The following PROCR variants were observed in gnomAD, a reference collection of about 807,000 sequenced individuals.
PROCR encodes protein C receptor.
In PROCR, 22 loss-of-function variants were observed where a neutral mutation model predicts 24.2. That is an observed-to-expected ratio of 0.91 (90% CI 0.65 to 1.30). The LOEUF (loss-of-function observed/expected upper bound fraction) is 1.30, where lower values mean the gene tolerates loss of function less well. PROCR is among the 50% of genes most tolerant of loss of function. The pLI is 0.00. For synonymous variants in PROCR, 137 were observed against 139.2 expected, an observed-to-expected ratio of 0.98 and a Z score of 0.11; for missense variants, 288 against 307.7, an observed-to-expected ratio of 0.94 and a Z score of 0.48.
intron 1 of PROCR, among the ~76,000 whole-genome samples, chr20:35,211,361 C>T (rs78140449): frequency 1.3e-5 from 2 of 152,072 alleles, no homozygotes; most frequent in Non-Finnish European, 2.9e-5. Flanking sequence ...AAATGGCTTG[C>T]GGGAGCCTCC....
intron 1 of PROCR, among the ~76,000 whole-genome samples, chr20:35,209,229 G>A (rs1191962396): frequency 6.6e-6 from 1 of 152,146 alleles, no homozygotes; most frequent in African/African-American, 2.4e-5. Context: ...TTATTGGTTG[G>A]CTATGGGGGA....
intron 1 of PROCR, among the ~76,000 whole-genome samples, chr20:35,174,002 T>C (rs1015341454): frequency 6.6e-6 from 1 of 152,214 alleles, no homozygotes; most frequent in African/African-American, 2.4e-5. Context: ...GTGCAAACCT[T>C]GGCTCTGCTA....
chr20:35,215,290 G>T (rs2060377869), intron 1 of PROCR, among the ~76,000 whole-genome samples: 1 of 152,170 alleles, frequency 6.6e-6, no homozygotes, highest in Admixed American at 6.5e-5. Flanking sequence ...GTGTGGTAAT[G>T]TTCTGTGTAT....
chr20:35,206,400 G>A (rs751880546), intron 1 of PROCR, among the ~76,000 whole-genome samples: 7 of 149,796 alleles, frequency 4.7e-5, no homozygotes, highest in Admixed American at 6.7e-5. Flanking sequence ...ACTTGAACCC[G>A]GGAGGCAGAG....
At chr20:35,174,496 T>G in intron 1 of PROCR, 1 of 652,924 alleles carries the variant, frequency 1.5e-6, no homozygotes, top group Non-Finnish European at 2.7e-6. Flanking sequence ...AGTTTCCTCA[T>G]CTGTAAAACG....
chr20:35,185,030 C>CAAAAAAAAAAAAA (rs55715132), intron 1 of PROCR, among the ~76,000 whole-genome samples: 4 of 104,090 alleles, frequency 3.8e-5, no homozygotes, highest in Middle Eastern at 5.2e-3. Flanking sequence ...ATCAGTAAGA[C>CAAAAAAAAAAAAA]AAAAAAAAAA....
At chr20:35,193,351 C>T (rs1600745432) in intron 1 of PROCR, among the ~76,000 whole-genome samples, 1 of 151,970 alleles carries the variant, frequency 6.6e-6, no homozygotes, top group African/African-American at 2.4e-5. Flanking sequence ...AATTTTTGTA[C>T]TTTTAGTAGA....
Position 35,186,307 on chromosome 20 carries a change from G to A in PROCR, c.94+9861G>A, listed in dbSNP as rs867876523. Among the ~76,000 whole-genome samples the A allele has an allele frequency of 4.6e-5, 7 of 152,092 alleles. No individual in the cohort carries two copies. The East Asian group carries it at 9.6e-4, about 21-fold the overall frequency. On this transcript the variant is annotated intron_variant, in intron 1 of 1. Transcript: ENST00000634509. ...AAGTAGTCCGGGAGCAGTGGCTCTC[G>A]CCTGCAGTCACAACACTTTGGGAGG...
chr20:35,175,745 C>T (rs868768438), intron 2 of PROCR, among the ~76,000 whole-genome samples: 9 of 151,674 alleles, frequency 5.9e-5, no homozygotes, highest in Middle Eastern at 3.2e-3. Context: ...CCACCACGCC[C>T]GGCTAATTTT....
At chr20:35,214,368 C>T (rs180996725) in intron 1 of PROCR, among the ~76,000 whole-genome samples, 5 of 152,138 alleles carry the variant, frequency 3.3e-5, no homozygotes, top group South Asian at 2.1e-4. Flanking sequence ...TTCATAAATT[C>T]GTAAGTACTT....
At chr20:35,193,020 CA>C (rs1474840147) in intron 1 of PROCR, among the ~76,000 whole-genome samples, 3 of 151,700 alleles carry the variant, frequency 2.0e-5, no homozygotes, top group Admixed American at 6.6e-5. Flanking sequence ...AAGCCAAACA[CA>C]AAAAAGTATA....
Position 35,174,736 on chromosome 20 carries a change from C to T in PROCR, c.105C>T (p.Tyr35=), listed in dbSNP as rs1223264266. 6.2e-7 allele frequency: 1 copy of T among 1,614,018 alleles called. No homozygotes were observed. The highest frequency in any genetic ancestry group is 1.3e-5 in the African/African-American group (1 of 74,904). Residue 35 remains tyrosine (Y), a synonymous_variant, in exon 2 of 4, where the codon TAC becomes TAT. Transcript: ENST00000216968. ...GACTTCATATGCTCCAGATCTCCTA[C>T]TTCCGCGACCCCTATCACGTGTGGT... ...LQRLHMLQIS[Y]FRDPYHVWYQ... is the part of the protein sequence containing the mutation.
intron 1 of PROCR, among the ~76,000 whole-genome samples, chr20:35,182,531 C>T (rs2086086665): frequency 6.6e-6 from 1 of 152,098 alleles, no homozygotes; most frequent in African/African-American, 2.4e-5. Flanking sequence ...ATATAGAAGG[C>T]TTTATGTTAT....
chr20:35,171,269 C>T (rs1017885510), upstream of PROCR, among the ~76,000 whole-genome samples: 2 of 152,170 alleles, frequency 1.3e-5, no homozygotes, highest in Non-Finnish European at 2.9e-5. Flanking sequence ...TAGAAACATA[C>T]ACACACAAAA....
Position 35,174,704 on chromosome 20 carries a change from C to T in PROCR, c.73C>T (p.Leu25Phe). 1 of 1,614,050 alleles carries T rather than the reference C, an allele frequency of 6.2e-7. No homozygotes were observed. Among genetic ancestry groups the T allele is most frequent in the East Asian group, 2.2e-5 (1 of 44,870 alleles). ...AFCSQDASDGLQRLHMLQISY... is the reference protein window; with the variant it reads ...AFCSQDASDGFQRLHMLQISY... ...GCTGAAGCTGACTCTGCCCGCAGGCCTCCAAAGACTTCATATGCTCCAGAT... is the reference window on the plus strand; with the variant it reads ...GCTGAAGCTGACTCTGCCCGCAGGCTTCCAAAGACTTCATATGCTCCAGAT... Residue 25 changes from leucine (L) to phenylalanine (F), a missense_variant and splice_region_variant, in exon 2 of 4, where the codon CTC becomes TTC. By Grantham distance (22) the Leu-to-Phe change is conservative. Transcript: ENST00000216968.
downstream of PROCR, among the ~76,000 whole-genome samples, chr20:35,179,126 G>A (rs912413620): frequency 7.3e-5 from 11 of 150,396 alleles, no homozygotes; most frequent in East Asian, 8.0e-4. Flanking sequence ...CCAGCTCCTC[G>A]GGAGGCTGAG....
intron 1 of PROCR, among the ~76,000 whole-genome samples, chr20:35,210,897 G>C (rs760582162): frequency 6.6e-6 from 1 of 152,062 alleles, no homozygotes; most frequent in African/African-American, 2.4e-5. Flanking sequence ...ATTTTTAGTA[G>C]AGACAGGGTT....
rs764612882 is a variant in PROCR at position 35,174,717 on chromosome 20, A to G, written c.86A>G (p.His29Arg). The change falls in exon 2 of 4, where the codon CAT (histidine) becomes CGT (arginine). Residue 29 changes from histidine to arginine, a missense_variant. By Grantham distance (29) the His-to-Arg change is conservative. Transcript: ENST00000216968. ...CTGCCCGCAGGCCTCCAAAGACTTC[A>G]TATGCTCCAGATCTCCTACTTCCGC... is the stretch of plus-strand genomic sequence containing the variant. ...QDASDGLQRL[H>R]MLQISYFRDP... 2.5e-6 allele frequency: 4 copies of G among 1,614,024 alleles called. No individual in the cohort carries two copies. The highest frequency in any genetic ancestry group is 1.1e-5 in the South Asian group (1 of 91,076).
At chr20:35,178,461 T>A (rs1181231220), downstream of PROCR, among the ~76,000 whole-genome samples, 1 of 143,868 alleles carries the variant, frequency 7.0e-6, no homozygotes, top group Non-Finnish European at 1.5e-5. Flanking sequence ...TCATCAGACT[T>A]AAGTTTTACT....
Sources: gnomAD v4.1 joint callset for allele counts (sites outside exome capture counted in the v4.1 genomes callset) on GRCh38, gnomAD v4.1.1 for gene constraint, MANE v1.5 for transcripts, NCBI Gene and HGNC (gene_info 2026-07-23, HGNC 2026-07-21) for gene names.